NEIL1: variants seen among roughly 807,000 people sequenced by gnomAD.
The protein encoded by NEIL1 is nei like DNA glycosylase 1.
Under a neutral mutation model 44.2 loss-of-function variants are expected in NEIL1, and 31 were observed. That is an observed-to-expected ratio of 0.70 (90% CI 0.53 to 0.95). The LOEUF (loss-of-function observed/expected upper bound fraction) is 0.95, where lower values mean the gene tolerates loss of function less well. NEIL1 is among the 40% of genes least tolerant of loss of function. NEIL1 has a pLI of 0.00. For synonymous variants in NEIL1, 254 were observed against 209.7 expected (o/e 1.21, Z -1.83); for missense variants, 549 against 515.5 (o/e 1.07, Z -0.63).
chr15:75,348,321 T>G (rs1317669154), intron 1 of NEIL1: 1 of 985,440 alleles, frequency 1.0e-6, no homozygotes, highest in Non-Finnish European at 1.2e-6. Context: ...CGAGCTTCGC[T>G]CTTTCCCTCG....
chr15:75,352,811 C>A, intron 5 of NEIL1, 110 bp downstream of exon 5: 3 of 866,608 alleles, frequency 3.5e-6, no homozygotes, highest in Non-Finnish European at 5.6e-6. Context: ...GTAGCCCTAG[C>A]TGATACTCAA....
In NEIL1 at chr15:75,349,265, C is replaced by T. The variant is rs776572247; in HGVS notation, c.360C>T (p.Phe120=). Residue 120 remains phenylalanine, a synonymous_variant, in exon 2 of 10, where the codon TTC becomes TTT. Coordinates refer to ENST00000355059, the MANE Select transcript of NEIL1 (RefSeq NM_024608.4). The part of the protein sequence containing the change: ...LALCFVDIRR[F]GRWDLGGKWQ... ...TATGTTTCGTGGACATCCGCCGGTT[C>T]GGCCGCTGGGACCTTGGGGGAAAGT... 1.1e-5 allele frequency: 17 copies of T among 1,611,592 alleles called. No individual in the cohort carries two copies. The highest frequency in any genetic ancestry group is 1.4e-5 in the Non-Finnish European group (17 of 1,179,780).
intron 7 of NEIL1, 29 bp downstream of exon 7, chr15:75,354,306 G>C (rs771684861): frequency 1.2e-6 from 2 of 1,614,060 alleles, no homozygotes; most frequent in Non-Finnish European, 1.7e-6. Flanking sequence ...AATAGGCTAA[G>C]AGAGCAGAAA....
intron 1 of NEIL1, chr15:75,348,212 G>T: frequency 1.3e-6 from 1 of 750,420 alleles, no homozygotes; most frequent in Non-Finnish European, 1.6e-6. Context: ...GCCCTGACCC[G>T]GGGGCGGCCG....
In NEIL1 at chr15:75,354,470, T is replaced by C. The variant is rs2141318659; in HGVS notation, c.914T>C (p.Leu305Pro). ...SRKKKSKATQ[L>P]SPEDRVEDAL... Reference sequence around the variant, plus strand: ...AAAAAGAAATCCAAGGCCACACAGCTGAGTCCTGAGGACAGAGTGGAGGTA... The same window carrying C: ...AAAAAGAAATCCAAGGCCACACAGCCGAGTCCTGAGGACAGAGTGGAGGTA... The change falls in exon 8 of 10, where the codon CTG becomes CCG. Residue 305 changes from leucine to proline, a missense_variant. By Grantham distance (98) the Leu-to-Pro change is moderately conservative (BLOSUM62 -3). Coordinates refer to ENST00000355059, the MANE Select transcript of NEIL1 (RefSeq NM_024608.4). 1 of 1,614,232 alleles carries C rather than the reference T, an allele frequency of 6.2e-7. No homozygotes were observed. Among genetic ancestry groups the C allele is most frequent in the Non-Finnish European group, 8.5e-7 (1 of 1,180,028 alleles).
chr15:75,347,779 C>T, intron 1 of NEIL1: 1 of 1,108,774 alleles, frequency 9.0e-7, no homozygotes, highest in South Asian at 1.8e-5. Flanking sequence ...AGGACAGGGT[C>T]GCAGCGGGGG....
In NEIL1 at chr15:75,352,111, G is replaced by T. The variant is rs764432590; in HGVS notation, c.435G>T (p.Arg145Ser). 6.2e-7 allele frequency: 1 copy of T among 1,614,208 alleles called. No individual in the cohort carries two copies. Among genetic ancestry groups the T allele is most frequent in the Non-Finnish European group, 8.5e-7 (1 of 1,180,032 alleles). Residue 145 changes from arginine (R) to serine (S), a missense_variant and splice_region_variant, in exon 3 of 10, where the codon AGG becomes AGT. By Grantham distance (110) the Arg-to-Ser change is moderately radical. Coordinates refer to ENST00000355059, the MANE Select transcript of NEIL1 (RefSeq NM_024608.4). ...PCVLQEYQQF[R>S]ENVLRNLADK... is the part of the protein sequence containing the mutation. The stretch of plus-strand genomic sequence containing the variant: ...ACGCACCCAGACCGTGTTCCTCCAG[G>T]GAGAATGTGCTACGAAACCTAGCGG...
At chr15:75,352,906 G>A (rs576923403) in intron 5 of NEIL1, 51 of 523,434 alleles carry the variant, frequency 9.7e-5, no homozygotes, top group African/African-American at 6.1e-4. Context: ...TCGGGAGGCC[G>A]AGTGGGGTGG....
At chr15:75,348,076 C>T (rs1191596066) in intron 1 of NEIL1, 2 of 1,036,168 alleles carry the variant, frequency 1.9e-6, no homozygotes, top group Non-Finnish European at 2.4e-6. Context: ...GCCGCGGGCC[C>T]TTTCCCTCCC....
Position 75,354,689 on chromosome 15 carries a change from C to T in NEIL1, c.973C>T (p.Arg325Ter), listed in dbSNP as rs767198187. The change falls in exon 9 of 10, where the codon CGA becomes TGA. Residue 325 changes from arginine (R) to a stop codon, truncating the protein, a stop_gained. Transcript: ENST00000355059. LOFTEE classifies it high-confidence loss of function. ...LPPSKAPSRT[R>*]RAKRDLPKRT... Reference sequence around the variant, plus strand: ...TCCAAGCAAGGCCCCTTCCAGGACACGAAGGGCAAAGAGAGACCTTCCTAA... The same window carrying T: ...TCCAAGCAAGGCCCCTTCCAGGACATGAAGGGCAAAGAGAGACCTTCCTAA... 87 of 1,614,036 alleles carry T rather than the reference C, an allele frequency of 5.4e-5. No individual in the cohort carries two copies. The South Asian group carries it at 6.0e-4, about 11-fold the overall frequency.
At chr15:75,347,784 CG>C (rs769364130) in intron 1 of NEIL1, 3 of 1,112,736 alleles carry the variant, frequency 2.7e-6, no homozygotes, top group South Asian at 1.8e-5. Context: ...AGGGTCGCAG[CG>C]GGGGCATGGG....
At chr15:75,353,991 T>C in intron 6 of NEIL1, 125 bp downstream of exon 6, 1 of 1,326,438 alleles carries the variant, frequency 7.5e-7, no homozygotes, top group Non-Finnish European at 1.0e-6. Context: ...ACACTGTTCC[T>C]GAGGGTCACA....
At position 75,356,510 on chromosome 15, in the gene NEIL1, G is replaced by C. The variant is rs577850118; in HGVS notation, c.*1476G>C. 1 of 1,557,110 alleles carries C rather than the reference G, an allele frequency of 6.4e-7. No homozygotes were observed. The highest frequency in any genetic ancestry group is 8.7e-7 in the Non-Finnish European group (1 of 1,150,026). ...TGGGGGCTACCCTCCCCTGTCCCTA[G>C]AAGGGGCAGGAAGCCAGGTTGCTGG... On this transcript the variant is annotated 3_prime_UTR_variant, in exon 10 of 10. Transcript: ENST00000355059. This position sits in a 1 kb window ranked among gnomAD's most constrained non-coding sequence, Gnocchi z 5.8.
chr15:75,348,662 G>A, intron 1 of NEIL1: 4 of 1,409,596 alleles, frequency 2.8e-6, no homozygotes, highest in Non-Finnish European at 2.8e-6. Context: ...CAGCAAGGCA[G>A]AGTCCTGCTC....
chr15:75,351,955 T>C (rs2071927657), intron 2 of NEIL1, 156 bp from the exon 3 acceptor site: 5 of 660,398 alleles, frequency 7.6e-6, no homozygotes, highest in Non-Finnish European at 1.3e-5. Context: ...CCCTTGATGT[T>C]CCCATTTAAC....
In NEIL1 at chr15:75,349,049, A is replaced by G; in HGVS notation, c.144A>G (p.Ser48=). The stretch of plus-strand genomic sequence containing the variant: ...TTGAGAGCAGTGCCTACCGCATCTC[A>G]GCTTCAGCCCGCGGCAAGGAGCTGC... ...VPFESSAYRI[S]ASARGKELRL... The change falls in exon 2 of 10, where the codon TCA becomes TCG. Residue 48 remains serine (S), a synonymous_variant. Transcript: ENST00000355059. The G allele has an allele frequency of 6.2e-7, 1 of 1,613,674 alleles. No individual in the cohort carries two copies. The highest frequency in any genetic ancestry group is 8.5e-7 in the Non-Finnish European group (1 of 1,180,006).
chr15:75,350,011 C>CG (rs1567235054), intron 2 of NEIL1, among the ~76,000 whole-genome samples: 1 of 152,174 alleles, frequency 6.6e-6, no homozygotes, highest in East Asian at 1.9e-4. Context: ...TGAGGCTGAG[C>CG]GGAATTGTTT....
At chr15:75,354,021 C>G (rs2072145516) in intron 6 of NEIL1, 155 bp downstream of exon 6, 4 of 1,155,294 alleles carry the variant, frequency 3.5e-6, no homozygotes, top group Admixed American at 2.1e-5. Context: ...TCCCATGCGT[C>G]CCAGGGTTGC....
intron 1 of NEIL1, chr15:75,348,247 G>A: frequency 1.1e-6 from 1 of 885,990 alleles, no homozygotes; most frequent in Non-Finnish European, 1.4e-6. Context: ...CCGTGGGGCA[G>A]GCCCGGTTCT....
Sources: allele counts gnomAD v4.1 joint callset (sites outside exome capture counted in the v4.1 genomes callset), GRCh38; gene constraint gnomAD v4.1.1; non-coding constraint Gnocchi (gnomAD v3.1); transcripts MANE v1.5; gene names NCBI Gene and HGNC (gene_info 2026-07-23, HGNC 2026-07-21).